The following MAGI2 variants were observed in gnomAD, a reference collection of about 807,000 sequenced individuals.
The protein encoded by MAGI2 is membrane associated guanylate kinase, WW and PDZ domain containing 2, also known as membrane-associated guanylate kinase, WW and PDZ domain-containing protein 2.
In MAGI2, 35 loss-of-function variants were observed where a neutral mutation model predicts 133.3. The ratio of observed to expected loss-of-function variants is 0.26; its 90% CI spans 0.20 to 0.35. MAGI2 has a LOEUF of 0.35. MAGI2 is among the 10% of genes least tolerant of loss of function. MAGI2 has a pLI of 1.00. For synonymous variants in MAGI2, 729 were observed against 710.6 expected (o/e 1.03, Z -0.41); for missense variants, 1,636 against 1,863.4 (o/e 0.88, Z 2.25).
chr7:79,094,828 C>T lies in MAGI2; in HGVS notation c.302-87622G>A, dbSNP rs182349007. Reference sequence around the variant, plus strand: ...AACAGTGGGCTTCAAATATTCAGTACCCATGTTGTAAACAGGTGTGTTGTC... The same window carrying T: ...AACAGTGGGCTTCAAATATTCAGTATCCATGTTGTAAACAGGTGTGTTGTC... On this transcript the variant is annotated intron_variant, in intron 1 of 21. Transcript: ENST00000354212. 3.9e-5 allele frequency among the ~76,000 whole-genome samples: 6 copies of T among 152,206 alleles called. No individual in the cohort carries two copies. The South Asian group carries it at 6.2e-4, about 16-fold the overall frequency.
chr7:78,356,571 T>C (rs1792104849), intron 7 of MAGI2, among the ~76,000 whole-genome samples: 1 of 152,256 alleles, frequency 6.6e-6, no homozygotes, highest in Non-Finnish European at 1.5e-5. Flanking sequence ...CATCACTATA[T>C]ACTCCATGAA....
At chr7:79,227,546 A>G (rs948877131) in intron 1 of MAGI2, among the ~76,000 whole-genome samples, 10 of 152,148 alleles carry the variant, frequency 6.6e-5, no homozygotes, top group African/African-American at 2.4e-4. Context: ...CCTTATCCTT[A>G]TCTTCACTCC....
intron 1 of MAGI2, among the ~76,000 whole-genome samples, chr7:79,385,655 A>T (rs1844122366): frequency 6.6e-6 from 1 of 152,006 alleles, no homozygotes; most frequent in Non-Finnish European, 1.5e-5. Context: ...CACACAGAAA[A>T]AGAGAATGAA....
At chr7:78,029,228 A>G (rs1365209996) in intron 21 of MAGI2, among the ~76,000 whole-genome samples, 1 of 152,204 alleles carries the variant, frequency 6.6e-6, no homozygotes, top group Non-Finnish European at 1.5e-5. Context: ...AGCACAGGTT[A>G]GGAAACTCAG....
At chr7:79,344,344 T>G (rs746195450) in intron 1 of MAGI2, among the ~76,000 whole-genome samples, 10 of 152,092 alleles carry the variant, frequency 6.6e-5, no homozygotes, top group African/African-American at 1.2e-4. Flanking sequence ...AGGTAAGACA[T>G]AAACATGTTT....
At chr7:78,896,058 A>G (rs1797191168) in intron 2 of MAGI2, among the ~76,000 whole-genome samples, 2 of 152,214 alleles carry the variant, frequency 1.3e-5, no homozygotes, top group Admixed American at 1.3e-4. Context: ...GGCTTCAATA[A>G]GAACTAACTT....
intron 2 of MAGI2, among the ~76,000 whole-genome samples, chr7:78,834,873 C>T (rs964046213): frequency 6.6e-6 from 1 of 152,052 alleles, no homozygotes; most frequent in African/African-American, 2.4e-5. Context: ...TAGCACCTCC[C>T]CTCCCCTTGC....
At chr7:78,779,000 C>T (rs1207900) in intron 2 of MAGI2, among the ~76,000 whole-genome samples, 44,348 of 150,094 alleles carry the variant, frequency 0.3, 6,927 homozygotes, top group South Asian at 0.47. Context: ...TATGCCTCCC[C>T]GGTTCAAGCG....
At chr7:78,287,781 C>G (rs561780703) in intron 9 of MAGI2, among the ~76,000 whole-genome samples, 3 of 152,128 alleles carry the variant, frequency 2.0e-5, no homozygotes, top group African/African-American at 7.2e-5. Context: ...AAGTGTTTTT[C>G]TTTTTTCCTA....
intron 1 of MAGI2, among the ~76,000 whole-genome samples, chr7:79,137,453 T>TTTG (rs781364312): frequency 2.1e-4 from 31 of 149,402 alleles, no homozygotes; most frequent in Non-Finnish European, 3.4e-4. Context: ...GTTTTTTGTT[T>TTTG]TTTTTTTTTT....
chr7:78,652,638 T>G (rs1344988942), intron 2 of MAGI2, among the ~76,000 whole-genome samples: 1 of 151,948 alleles, frequency 6.6e-6, no homozygotes, highest in Non-Finnish European at 1.5e-5. Flanking sequence ...TCAAATTAAC[T>G]TAAGTTTAAA....
intron 2 of MAGI2, among the ~76,000 whole-genome samples, chr7:78,970,268 T>G (rs1803676214): frequency 6.6e-6 from 1 of 152,016 alleles, no homozygotes; most frequent in Admixed American, 6.6e-5. Flanking sequence ...AGCAAGTGAC[T>G]TATTTTATTT....
At chr7:78,427,912 C>A (rs564338730) in intron 6 of MAGI2, among the ~76,000 whole-genome samples, 4 of 152,066 alleles carry the variant, frequency 2.6e-5, no homozygotes, top group African/African-American at 9.6e-5. Context: ...CTGGTCTAGG[C>A]CAAAAGACAA....
intron 2 of MAGI2, among the ~76,000 whole-genome samples, chr7:78,633,859 A>G (rs535418005): frequency 1.3e-5 from 2 of 152,242 alleles, no homozygotes; most frequent in East Asian, 1.9e-4. Flanking sequence ...TTCATCATCG[A>G]TTTTCTTATG....
intron 2 of MAGI2, among the ~76,000 whole-genome samples, chr7:78,685,975 CTT>C (rs111441733): frequency 2.1e-5 from 3 of 141,568 alleles, no homozygotes; most frequent in Non-Finnish European, 3.0e-5. Flanking sequence ...TTTTTCTTTT[CTT>C]TTTTTTTTTT....
At chr7:78,614,614 G>T (rs1291977972) in intron 3 of MAGI2, 1 of 152,182 alleles carries the variant, frequency 6.6e-6, no homozygotes, top group African/African-American at 2.4e-5. Context: ...TTTTAGGCAT[G>T]TAAGAACATT....
chr7:78,277,920 G>C (rs1177949140), intron 9 of MAGI2, among the ~76,000 whole-genome samples: 1 of 152,112 alleles, frequency 6.6e-6, no homozygotes, highest in Non-Finnish European at 1.5e-5. Context: ...AGACAGAAGA[G>C]CAAAGAGGAG....
chr7:78,809,446 T>A (rs574561929), intron 2 of MAGI2, among the ~76,000 whole-genome samples: 2 of 152,348 alleles, frequency 1.3e-5, no homozygotes, highest in South Asian at 4.1e-4. Flanking sequence ...ATTATGTGTA[T>A]GTGCAATGAA....
At chr7:78,187,501 AATGAGT>A (rs1827801818) in intron 12 of MAGI2, among the ~76,000 whole-genome samples, 1 of 152,166 alleles carries the variant, frequency 6.6e-6, no homozygotes, top group South Asian at 2.1e-4. Flanking sequence ...ATACCAAAAA[AATGAGT>A]ATTTTATCCT....
Sources: allele counts gnomAD v4.1 joint callset (sites outside exome capture counted in the v4.1 genomes callset), GRCh38; gene constraint gnomAD v4.1.1; transcripts MANE v1.5; gene names NCBI Gene and HGNC (gene_info 2026-07-23, HGNC 2026-07-21).